SPARCL1: variants seen among roughly 807,000 people sequenced by gnomAD.
SPARCL1 encodes the protein SPARC-like protein 1.
In SPARCL1, 52 loss-of-function variants were observed where a neutral mutation model predicts 67.1. The observed-to-expected ratio is 0.78, with a 90% CI of 0.62 to 0.98. SPARCL1 has a LOEUF of 0.98. Among genes scored for constraint, SPARCL1 ranks in the 50% least tolerant of loss-of-function variants. The probability of loss-of-function intolerance (pLI) is 0.00; values close to 1 mark genes in which losing one functional copy is unlikely to be tolerated. For synonymous variants in SPARCL1, 226 were observed against 267.8 expected, an observed-to-expected ratio of 0.84 and a Z score of 1.52; for missense variants, 717 against 782.4, an observed-to-expected ratio of 0.92 and a Z score of 1.00.
chr4:87,504,484 A>G (rs945975563), intron 1 of SPARCL1, among the ~76,000 whole-genome samples: 3 of 152,088 alleles, frequency 2.0e-5, no homozygotes, highest in African/African-American at 7.2e-5. Flanking sequence ...TACAAATGGG[A>G]TATTACCTTA....
rs199827454 is a variant in SPARCL1, at chr4:87,493,759, A to G, written c.1041T>C (p.Asp347=). 5.0e-6 allele frequency: 8 copies of G among 1,613,998 alleles called. No individual in the cohort carries two copies. In the Admixed American group the frequency reaches 6.7e-5, roughly 13 times the overall value. Residue 347 remains aspartate (D), a synonymous_variant, in exon 4 of 11, where the codon GAT becomes GAC. Coordinates refer to ENST00000282470, the MANE Select transcript of SPARCL1 (RefSeq NM_004684.6). ...VDDDGDDDGD[D]GGTDGPRHSA... ...TGTGCCTGGGGCCATCAGTGCCGCC[A>G]TCATCGCCATCATCATCGCCATCAT... is the stretch of plus-strand genomic sequence containing the variant.
rs1257716233 is a variant in SPARCL1 at position 87,489,662 on chromosome 4, T to G, written c.1531+611A>C. Among the ~76,000 whole-genome samples the G allele has an allele frequency of 2.6e-5, 4 of 152,280 alleles. No individual in the cohort carries two copies. The East Asian group carries it at 7.7e-4, about 29-fold the overall frequency. ...TGAATGCTTCTGCCCAGAACTCACA[T>G]AGATGACTTTTTTCACATTTCCCTG... On this transcript the variant is annotated intron_variant, in intron 7 of 10. Coordinates refer to ENST00000282470, the MANE Select transcript of SPARCL1 (RefSeq NM_004684.6).
chr4:87,479,555 G>A lies in SPARCL1; in HGVS notation c.1841C>T (p.Ala614Val), dbSNP rs1723722357. ...GGGCACCAGAGATGCTCGCAGAGGAGCAAGTTCAGAATGTGTCAAGACTCT... is the reference window on the plus strand; with the variant it reads ...GGGCACCAGAGATGCTCGCAGAGGAACAAGTTCAGAATGTGTCAAGACTCT... ...MDRVLTHSEL[A>V]PLRASLVPME... Residue 614 changes from alanine (A) to valine (V), a missense_variant, in exon 10 of 11, where the codon GCT becomes GTT. Transcript: ENST00000282470. The A allele has an allele frequency of 2.5e-6, 4 of 1,614,126 alleles. No individual in the cohort carries two copies. The highest frequency in any genetic ancestry group is 3.4e-6 in the Non-Finnish European group (4 of 1,180,002).
chr4:87,507,037 C>A (rs1345687836), intron 1 of SPARCL1, among the ~76,000 whole-genome samples: 2 of 152,158 alleles, frequency 1.3e-5, no homozygotes, highest in Admixed American at 6.5e-5. Flanking sequence ...AACTTAGATT[C>A]TCAGAAAATA....
At chr4:87,489,318 T>A (rs1724209753) in intron 7 of SPARCL1, among the ~76,000 whole-genome samples, 1 of 152,168 alleles carries the variant, frequency 6.6e-6, no homozygotes, top group Non-Finnish European at 1.5e-5. Context: ...GCACAGTCCC[T>A]CACAGCTTCC....
intron 7 of SPARCL1, among the ~76,000 whole-genome samples, chr4:87,487,293 G>GA (rs906355645): frequency 1.5e-4 from 23 of 152,142 alleles, no homozygotes; most frequent in African/African-American, 4.3e-4. Flanking sequence ...GCCTGGTGGT[G>GA]AAAAAATCTC....
At chr4:87,499,274 A>T (rs1226687651) in intron 2 of SPARCL1, among the ~76,000 whole-genome samples, 1 of 152,170 alleles carries the variant, frequency 6.6e-6, no homozygotes, top group Non-Finnish European at 1.5e-5. Flanking sequence ...TGGCTAATAA[A>T]CTGATAGCCC....
chr4:87,521,168 A>G (rs1373479710), intron 1 of SPARCL1, among the ~76,000 whole-genome samples: 1 of 152,212 alleles, frequency 6.6e-6, no homozygotes, highest in East Asian at 1.9e-4. Flanking sequence ...TTCAGTTCCT[A>G]TAGTTTTTTA....
At chr4:87,528,344 T>A (rs912325988) in intron 1 of SPARCL1, 8 of 152,192 alleles carry the variant, frequency 5.3e-5, no homozygotes, top group African/African-American at 1.9e-4. Context: ...AGCTCTTTAA[T>A]TCTCTTCTCC....
chr4:87,480,957 C>T (rs544974588), intron 8 of SPARCL1, among the ~76,000 whole-genome samples: 3 of 152,036 alleles, frequency 2.0e-5, no homozygotes, highest in Non-Finnish European at 4.4e-5. Flanking sequence ...CCATCCAGTG[C>T]CCACTCAGTC....
chr4:87,515,036 CA>C (rs1479154298), intron 1 of SPARCL1, among the ~76,000 whole-genome samples: 1 of 152,076 alleles, frequency 6.6e-6, no homozygotes, highest in Non-Finnish European at 1.5e-5. Flanking sequence ...AATAAAACTC[CA>C]GATGAAAAAT....
Position 87,480,464 on chromosome 4 carries a change from A to G in SPARCL1, c.1725T>C (p.Asp575=), listed in dbSNP as rs9933. The change falls in exon 9 of 11, where the codon GAT becomes GAC. Residue 575 remains aspartate, a synonymous_variant. Transcript: ENST00000282470. ...KRLLAGDHPI[D]LLLRDFKKNY... ...TTTTCTTAAAGTCCCTTAAGAGAAG[A>G]TCAATGGGATGGTCCCCAGCCAAAA... 1,012,997 of 1,610,234 alleles carry G rather than the reference A, an allele frequency of 0.63. 324,467 individuals carry two copies. The highest frequency in any genetic ancestry group is 0.85 in the African/African-American group (63,942 of 74,858).
intron 1 of SPARCL1, among the ~76,000 whole-genome samples, chr4:87,499,916 A>C (rs1383819161): frequency 6.6e-6 from 1 of 152,170 alleles, no homozygotes; most frequent in Non-Finnish European, 1.5e-5. Context: ...GTCATATGTC[A>C]AGGTTGAGTA....
intron 1 of SPARCL1, among the ~76,000 whole-genome samples, chr4:87,503,683 C>CT (rs60057481): frequency 0.039 from 5,337 of 137,990 alleles, 183 homozygotes; most frequent in African/African-American, 0.087. Flanking sequence ...TTTTTTTTTC[C>CT]TTTTTTTTTT....
intron 7 of SPARCL1, among the ~76,000 whole-genome samples, chr4:87,482,792 C>T (rs1050512560): frequency 6.6e-6 from 1 of 152,102 alleles, no homozygotes; most frequent in Non-Finnish European, 1.5e-5. Context: ...ATTGGTCTGG[C>T]GTGAAGTCTG....
At position 87,494,387 on chromosome 4, in the gene SPARCL1, G is replaced by T; in HGVS notation, c.413C>A (p.Thr138Asn). 1.2e-6 allele frequency: 2 copies of T among 1,614,112 alleles called. No individual in the cohort carries two copies. The highest frequency in any genetic ancestry group is 1.7e-6 in the Non-Finnish European group (2 of 1,180,018). Residue 138 changes from threonine (T) to asparagine (N), a missense_variant, in exon 4 of 11, where the codon ACT becomes AAT. By Grantham distance (65) the Thr-to-Asn change is moderately conservative. Transcript: ENST00000282470. ...ACTAACACCAGGAGCCAAAAAATCA[G>T]TGTTCTCTGAGAGTTTTTTCTCCTG... ...EPQEKKLSENTDFLAPGVSSF... is the reference protein window; with the variant it reads ...EPQEKKLSENNDFLAPGVSSF...
At chr4:87,483,340 G>T (rs1027562879) in intron 7 of SPARCL1, among the ~76,000 whole-genome samples, 2 of 152,070 alleles carry the variant, frequency 1.3e-5, no homozygotes, top group African/African-American at 4.8e-5. Flanking sequence ...TGCAGTGTTT[G>T]GTTTTCTGTT....
intron 1 of SPARCL1, among the ~76,000 whole-genome samples, chr4:87,524,413 A>T (rs1037143859): frequency 6.6e-6 from 1 of 152,192 alleles, no homozygotes; most frequent in Non-Finnish European, 1.5e-5. Context: ...AAAAACATAG[A>T]AGTTGACCCT....
chr4:87,474,795 T>C (rs1172255885), intron 10 of SPARCL1, among the ~76,000 whole-genome samples: 1 of 145,748 alleles, frequency 6.9e-6, no homozygotes, highest in African/African-American at 2.6e-5. Flanking sequence ...CAGGCCAGAC[T>C]GAAGTGGCGC....
Sources: gnomAD v4.1 joint callset for allele counts (sites outside exome capture counted in the v4.1 genomes callset) on GRCh38, gnomAD v4.1.1 for gene constraint, MANE v1.5 for transcripts, NCBI Gene and HGNC (gene_info 2026-07-23, HGNC 2026-07-21) for gene names.